MYO1E: variants seen among roughly 807,000 people sequenced by gnomAD.
MYO1E encodes unconventional myosin-Ie.
A neutral mutation model predicts 151.1 loss-of-function variants in MYO1E; 68 were observed. The observed-to-expected ratio is 0.45, with a 90% CI of 0.37 to 0.55. The LOEUF is 0.55. MYO1E is among the 20% of genes least tolerant of loss of function. The probability of loss-of-function intolerance (pLI) is 0.00; values close to 1 mark genes in which losing one functional copy is unlikely to be tolerated. For missense variants in MYO1E, 1,363 were observed against 1,389.3 expected, an observed-to-expected ratio of 0.98 and a Z score of 0.30; for synonymous variants, 601 against 501.7, an observed-to-expected ratio of 1.20 and a Z score of -2.64.
At chr15:59,353,394 G>GAAAAA (rs1555422224) in intron 1 of MYO1E, among the ~76,000 whole-genome samples, 2 of 96,792 alleles carry the variant, frequency 2.1e-5, no homozygotes, top group East Asian at 3.1e-4. Flanking sequence ...GAAAAGAAAA[G>GAAAAA]AAAAAAAAGA....
chr15:59,372,172 G>A (rs1415316166), intron 1 of MYO1E, among the ~76,000 whole-genome samples: 3 of 151,712 alleles, frequency 2.0e-5, no homozygotes, highest in South Asian at 2.1e-4. Flanking sequence ...AGCAGGAGGA[G>A]GGGACCCCCT....
Position 59,191,145 on chromosome 15 carries a change from T to A in MYO1E, c.1806-2929A>T, listed in dbSNP as rs2079730443. On this transcript the variant is annotated intron_variant, in intron 17 of 27. Coordinates refer to ENST00000288235, the MANE Select transcript of MYO1E (RefSeq NM_004998.4). ...GTTGATTCCTCTAAGATTATTAACT[T>A]TCAGAAAGCCTCTGTGTGCAAAGAG... 2.6e-5 allele frequency among the ~76,000 whole-genome samples: 4 copies of A among 152,060 alleles called. No homozygotes were observed. In the South Asian group the frequency reaches 8.3e-4, roughly 32 times the overall value.
In MYO1E at chr15:59,372,797, G is replaced by C. The variant is rs1387579214; in HGVS notation, c.-297C>G. 2 of 502,114 alleles carry C rather than the reference G, an allele frequency of 4.0e-6. No individual in the cohort carries two copies. The highest frequency in any genetic ancestry group is 2.8e-5 in the South Asian group (1 of 35,668). 31.1% of individuals were successfully genotyped at this position (502,114 alleles called of 1,614,324 possible). A position where few individuals can be genotyped will look rare whatever the true frequency, so the allele number is the denominator to read the frequency against. On this transcript the variant is annotated 5_prime_UTR_variant, in exon 1 of 28. Transcript: ENST00000288235. The stretch of plus-strand genomic sequence containing the variant: ...CGGCCCAGGTGAGTCCGATGCGCTC[G>C]GAGCGTCCGCCTCGCTCCCCTGCCT...
At chr15:59,342,059 T>G (rs539390054) in intron 1 of MYO1E, among the ~76,000 whole-genome samples, 1 of 152,368 alleles carries the variant, frequency 6.6e-6, no homozygotes, top group Middle Eastern at 3.4e-3. Flanking sequence ...GTCTTCTGGA[T>G]AAAAGCCATT....
intron 1 of MYO1E, among the ~76,000 whole-genome samples, chr15:59,291,711 A>AAGAGAGAGAG (rs1555417405): frequency 3.0e-5 from 2 of 66,966 alleles, no homozygotes; most frequent in African/African-American, 1.3e-4. Context: ...AAAAAAAAAA[A>AAGAGAGAGAG]AGAGAGAGAG....
In MYO1E at chr15:59,160,713, C is replaced by T. The variant is rs139574080; in HGVS notation, c.2785+360G>A. 6.3e-3 allele frequency among the ~76,000 whole-genome samples: 958 copies of T among 152,070 alleles called. 7 individuals carry two copies. The highest frequency in any genetic ancestry group is 9.7e-3 in the South Asian group (47 of 4,830). On this transcript the variant is annotated intron_variant, in intron 24 of 27. Coordinates refer to ENST00000288235, the MANE Select transcript of MYO1E (RefSeq NM_004998.4). Reference sequence around the variant, plus strand: ...GGATTATAGGTGTGAGCCACCACGCCGGGCCCAGTCAATTTCTTTAAAGGT... The same window carrying T: ...GGATTATAGGTGTGAGCCACCACGCTGGGCCCAGTCAATTTCTTTAAAGGT...
At chr15:59,143,680 C>G (rs1369955042) in intron 26 of MYO1E, among the ~76,000 whole-genome samples, 1 of 152,220 alleles carries the variant, frequency 6.6e-6, no homozygotes, top group Non-Finnish European at 1.5e-5. Context: ...CCTCACGACA[C>G]TCCTGTGAGA....
intron 1 of MYO1E, among the ~76,000 whole-genome samples, chr15:59,351,231 G>A (rs956643330): frequency 7.2e-5 from 11 of 152,004 alleles, no homozygotes; most frequent in Non-Finnish European, 1.6e-4. Context: ...AGATGAACAG[G>A]AAAAAAGGGA....
rs140719120 is a variant in MYO1E, at chr15:59,248,466, G to T, written c.332+7818C>A. Among the ~76,000 whole-genome samples, 11 of 112,902 alleles carry T rather than the reference G, an allele frequency of 9.7e-5. No homozygotes were observed. The East Asian group carries it at 2.9e-3, about 30-fold the overall frequency. 74.1% of individuals were successfully genotyped at this position (112,902 alleles called of 152,430 possible). On this transcript the variant is annotated intron_variant, in intron 4 of 27. Coordinates refer to ENST00000288235, the MANE Select transcript of MYO1E (RefSeq NM_004998.4). ...CACACCACTGAACTCCAGCCTGAAC[G>T]ACAGGGTGAGACTCCATCTCAAAAA...
chr15:59,174,784 C>T (rs565823551), intron 19 of MYO1E, among the ~76,000 whole-genome samples: 1 of 151,990 alleles, frequency 6.6e-6, no homozygotes, highest in Non-Finnish European at 1.5e-5. Context: ...CAGGATTCAC[C>T]AAGGACCAGC....
At chr15:59,218,433 G>A (rs530573520) in intron 9 of MYO1E, 8 of 405,252 alleles carry the variant, frequency 2.0e-5, no homozygotes, top group Admixed American at 1.1e-4. Context: ...CTTCCAGCAC[G>A]ACAGCCAGGA....
chr15:59,155,077 C>G (rs2079502309), intron 25 of MYO1E, among the ~76,000 whole-genome samples: 2 of 152,122 alleles, frequency 1.3e-5, no homozygotes, highest in Non-Finnish European at 2.9e-5. Flanking sequence ...TAGAAGGACC[C>G]TGCTTGCTGC....
At position 59,209,815 on chromosome 15, in the gene MYO1E, C is replaced by CTTTTTTTTTTTTTTTTTTTTTTTTT. The variant is rs71119441; in HGVS notation, c.1362+674_1362+698dup. ...CTGTATCACTTTTATTTTGAATCACCTTTTTTTTTTTTTTTTTTTTTTTTT... is the reference window on the plus strand; with the variant it reads ...CTGTATCACTTTTATTTTGAATCACCTTTTTTTTTTTTTTTTTTTTTTTTTTTTTTTTTTTTTTTTTTTTTTTTTT... On this transcript the variant is annotated intron_variant, in intron 13 of 27. Transcript: ENST00000288235. Among the ~76,000 whole-genome samples the CTTTTTTTTTTTTTTTTTTTTTTTTT allele has an allele frequency of 2.6e-4, 13 of 49,838 alleles. 2 individuals carry two copies. Among genetic ancestry groups the CTTTTTTTTTTTTTTTTTTTTTTTTT allele is most frequent in the South Asian group, 8.4e-4 (1 of 1,188 alleles). The allele number at this position is 49,838 out of a possible 152,430, so 32.7% of individuals were successfully genotyped here. A position where few individuals can be genotyped will look rare whatever the true frequency, so the allele number is the denominator to read the frequency against.
At chr15:59,178,096 G>T (rs542928529) in intron 19 of MYO1E, among the ~76,000 whole-genome samples, 4 of 152,246 alleles carry the variant, frequency 2.6e-5, no homozygotes, top group Non-Finnish European at 5.9e-5. Flanking sequence ...CTGCCCTCCA[G>T]GAGTGTAGCA....
At position 59,223,259 on chromosome 15, in the gene MYO1E, C is replaced by T. The variant is rs530759123; in HGVS notation, c.778-68G>A. The stretch of plus-strand genomic sequence containing the variant: ...GCTTTAAAAGCACCTTAGGAAGAAG[C>T]CAAGGCACAGCAGCTGCTCTAAATA... On this transcript the variant is annotated intron_variant, in intron 8 of 27. Transcript: ENST00000288235. The T allele has an allele frequency of 3.1e-6, 5 of 1,593,680 alleles. No individual in the cohort carries two copies. The African/African-American group carries it at 5.4e-5, about 17-fold the overall frequency.
chr15:59,332,444 G>T (rs1221274137), intron 1 of MYO1E, among the ~76,000 whole-genome samples: 1 of 152,202 alleles, frequency 6.6e-6, no homozygotes, highest in Non-Finnish European at 1.5e-5. Context: ...AAGTAAGCAT[G>T]CTGATCTAGG....
chr15:59,325,811 G>A (rs566990638), intron 1 of MYO1E, among the ~76,000 whole-genome samples: 5 of 152,212 alleles, frequency 3.3e-5, no homozygotes, highest in South Asian at 4.2e-4. Flanking sequence ...GTCAGCCCAC[G>A]CAAGTCCTTG....
At position 59,138,306 on chromosome 15, in the gene MYO1E, T is replaced by G. The variant is rs2079386086; in HGVS notation, c.3142A>C (p.Lys1048Gln). 5.6e-6 allele frequency: 9 copies of G among 1,614,214 alleles called. No individual in the cohort carries two copies. The highest frequency in any genetic ancestry group is 1.7e-5 in the Admixed American group (1 of 60,030). ...PAGGRPKPQP[K>Q]PKPQVPQCKA... ...CACTGTGGCACCTGAGGCTTGGGCTTGGGCTGGGGCTTGGGTCTGCCCCCT... is the reference window on the plus strand; with the variant it reads ...CACTGTGGCACCTGAGGCTTGGGCTGGGGCTGGGGCTTGGGTCTGCCCCCT... Residue 1048 changes from lysine to glutamine, a missense_variant, in exon 27 of 28, where the codon AAG becomes CAG. Coordinates refer to ENST00000288235, the MANE Select transcript of MYO1E (RefSeq NM_004998.4).
intron 16 of MYO1E, among the ~76,000 whole-genome samples, chr15:59,197,348 A>T (rs2079773767): frequency 6.6e-6 from 1 of 152,212 alleles, no homozygotes; most frequent in South Asian, 2.1e-4. Context: ...TAAGTATTTA[A>T]CAGCATTCCT....
Sources: allele counts gnomAD v4.1 joint callset (sites outside exome capture counted in the v4.1 genomes callset), GRCh38; gene constraint gnomAD v4.1.1; transcripts MANE v1.5; gene names NCBI Gene and HGNC (gene_info 2026-07-23, HGNC 2026-07-21).